Variants in MLIP observed in about 807,000 individuals in gnomAD.
The protein encoded by MLIP is muscular LMNA-interacting protein.
A neutral mutation model predicts 84.8 loss-of-function variants in MLIP; 79 were observed. The ratio of observed to expected loss-of-function variants is 0.93; its 90% CI spans 0.78 to 1.12. The LOEUF (loss-of-function observed/expected upper bound fraction) is 1.12, where lower values mean the gene tolerates loss of function less well. Among genes scored for constraint, MLIP ranks in the 50% most tolerant of loss-of-function variants. The pLI is 0.00. For synonymous variants in MLIP, 504 were observed against 463.0 expected (o/e 1.09, Z -1.14); for missense variants, 1,257 against 1,160.6 (o/e 1.08, Z -1.21).
chr6:54,254,121 T>C lies in MLIP; in HGVS notation c.2923-3187T>C, dbSNP rs1414823453. 5.0e-5 allele frequency among the ~76,000 whole-genome samples: 7 copies of C among 140,270 alleles called. No individual in the cohort carries two copies. In the Admixed American group the frequency reaches 5.1e-4, roughly 10 times the overall value. The allele number at this position is 140,270 out of a possible 152,430, so 92.0% of individuals were successfully genotyped here. On this transcript the variant is annotated intron_variant, in intron 12 of 13. Transcript: ENST00000502396. ...GCCATTCACCTACGTAGAACTTGTT[T>C]TTTTGCTGTTTTTTTTTTTTTTTTA...
intron 1 of MLIP, among the ~76,000 whole-genome samples, chr6:54,075,272 C>A (rs924275272): frequency 3.4e-5 from 5 of 146,778 alleles, no homozygotes; most frequent in Admixed American, 3.4e-4. Flanking sequence ...AAAAAAAATC[C>A]TAAAACCCTG....
intron 3 of MLIP, among the ~76,000 whole-genome samples, chr6:54,131,000 AG>A (rs1771328296): frequency 6.6e-6 from 1 of 152,204 alleles, no homozygotes; most frequent in African/African-American, 2.4e-5. Context: ...AAGCGATTCA[AG>A]TGCCTGTTGG....
At chr6:54,070,402 C>T (rs925153198) in intron 1 of MLIP, among the ~76,000 whole-genome samples, 1 of 152,106 alleles carries the variant, frequency 6.6e-6, no homozygotes, top group Admixed American at 6.6e-5. Flanking sequence ...GGATTCTCTG[C>T]TTACATTTTA....
chr6:54,159,642 T>C (rs1169635391), intron 5 of MLIP, among the ~76,000 whole-genome samples: 1 of 151,912 alleles, frequency 6.6e-6, no homozygotes, highest in Non-Finnish European at 1.5e-5. Flanking sequence ...AGCAGACGTA[T>C]TAGATGAGGA....
In MLIP at chr6:54,230,908, A is replaced by T. The variant is rs748193604; in HGVS notation, c.2913A>T (p.Ala971=). ...CTCACACCCTCCTCAGTCACAACGCATGCAACAAGGTGAGAACTCCTCCCC... is the reference window on the plus strand; with the variant it reads ...CTCACACCCTCCTCAGTCACAACGCTTGCAACAAGGTGAGAACTCCTCCCC... ...ENSHTLLSHN[A]CNKLSHPMVA... is the part of the protein sequence containing the mutation. Residue 971 remains alanine (A), a synonymous_variant, in exon 12 of 14, where the codon GCA becomes GCT. Coordinates refer to ENST00000502396, the MANE Select transcript of MLIP (RefSeq NM_001281747.2). 11 of 1,613,978 alleles carry T rather than the reference A, an allele frequency of 6.8e-6. No homozygotes were observed. Among genetic ancestry groups the T allele is most frequent in the Non-Finnish European group, 9.3e-6 (11 of 1,179,922 alleles).
chr6:54,220,626 G>T (rs187285374), intron 11 of MLIP, among the ~76,000 whole-genome samples: 1 of 152,174 alleles, frequency 6.6e-6, no homozygotes, highest in Admixed American at 6.5e-5. Flanking sequence ...TATGCAGTTG[G>T]ATCAAAGTAT....
chr6:54,101,196 C>G (rs1024189345), intron 1 of MLIP, among the ~76,000 whole-genome samples: 3 of 151,994 alleles, frequency 2.0e-5, no homozygotes, highest in Non-Finnish European at 4.4e-5. Context: ...GGTCAAGATT[C>G]TTAGAAGGTG....
chr6:54,069,216 C>A lies in MLIP; in HGVS notation c.63+50125C>A, dbSNP rs1290183239. Among the ~76,000 whole-genome samples the A allele has an allele frequency of 4.0e-5, 4 of 100,882 alleles. 2 individuals carry two copies. The highest frequency in any genetic ancestry group is 1.1e-4 in the Non-Finnish European group (4 of 35,030). 66.2% of individuals were successfully genotyped at this position (100,882 alleles called of 152,430 possible). A position where few individuals can be genotyped will look rare whatever the true frequency, so the allele number is the denominator to read the frequency against. Reference sequence around the variant, plus strand: ...TATTTGATTTTTATACTAGTTTATTCATTTATTTGTTAGATCTAGGAGATG... The same window carrying A: ...TATTTGATTTTTATACTAGTTTATTAATTTATTTGTTAGATCTAGGAGATG... On this transcript the variant is annotated intron_variant, in intron 1 of 12. Coordinates refer to the MLIP transcript ENST00000274897.
At chr6:54,134,031 G>A (rs1052630766) in intron 3 of MLIP, among the ~76,000 whole-genome samples, 4 of 152,098 alleles carry the variant, frequency 2.6e-5, no homozygotes, top group African/African-American at 9.7e-5. Flanking sequence ...GAGGGAGAAG[G>A]AGTTAGAGCA....
chr6:54,050,961 C>T (rs1765342515), intron 1 of MLIP, among the ~76,000 whole-genome samples: 2 of 152,180 alleles, frequency 1.3e-5, no homozygotes, highest in South Asian at 4.1e-4. Context: ...TTTACTGCAT[C>T]TGGAATGTCT....
At chr6:54,120,824 T>C (rs1770387867) in intron 1 of MLIP, among the ~76,000 whole-genome samples, 1 of 152,042 alleles carries the variant, frequency 6.6e-6, no homozygotes, top group African/African-American at 2.4e-5. Context: ...TGCTTGTGAG[T>C]AGTCTACTGA....
At chr6:54,265,510 C>A (rs148822818) in intron 13 of MLIP, among the ~76,000 whole-genome samples, 48 of 152,246 alleles carry the variant, frequency 3.2e-4, no homozygotes, top group East Asian at 2.1e-3. Flanking sequence ...AAAGCTGGGA[C>A]TTAATTCAAT....
intron 10 of MLIP, 91 bp from the exon 11 acceptor site, chr6:54,202,014 A>G: frequency 1.1e-6 from 1 of 897,170 alleles, no homozygotes; most frequent in South Asian, 3.4e-5. Flanking sequence ...TTCTGTGAGA[A>G]CAGCATTGAA....
chr6:54,252,293 A>G (rs1482953238), intron 12 of MLIP, among the ~76,000 whole-genome samples: 1 of 115,032 alleles, frequency 8.7e-6, no homozygotes, highest in African/African-American at 3.8e-5. Context: ...AATATATTAT[A>G]CCATATAATA....
chr6:54,252,014 A>G (rs1252387000), intron 12 of MLIP, among the ~76,000 whole-genome samples: 2 of 92,564 alleles, frequency 2.2e-5, no homozygotes, highest in Non-Finnish European at 3.6e-5. Context: ...CATAATATAT[A>G]ATATAAATAT....
intron 1 of MLIP, among the ~76,000 whole-genome samples, chr6:54,037,806 C>A (rs750940401): frequency 6.6e-6 from 1 of 151,914 alleles, no homozygotes; most frequent in East Asian, 1.9e-4. Context: ...GTGCTTAAGG[C>A]ATCATATTGG....
At chr6:54,087,423 T>C (rs955690012) in intron 1 of MLIP, among the ~76,000 whole-genome samples, 8 of 152,006 alleles carry the variant, frequency 5.3e-5, no homozygotes, top group African/African-American at 1.2e-4. Context: ...GGTGGTTTCG[T>C]AGAGGGAAAG....
intron 1 of MLIP, among the ~76,000 whole-genome samples, chr6:54,022,555 T>C (rs1311945929): frequency 2.0e-5 from 3 of 152,228 alleles, no homozygotes; most frequent in South Asian, 2.1e-4. Flanking sequence ...AGTTTCTATG[T>C]ATTATGTTAA....
intron 12 of MLIP, among the ~76,000 whole-genome samples, chr6:54,255,129 A>T (rs970328912): frequency 6.6e-6 from 1 of 151,766 alleles, no homozygotes; most frequent in East Asian, 1.9e-4. Context: ...GTCATACTCC[A>T]TTCACTTCCC....
Sources: gnomAD v4.1 joint callset for allele counts (sites outside exome capture counted in the v4.1 genomes callset) on GRCh38, gnomAD v4.1.1 for gene constraint, MANE v1.5 for transcripts, NCBI Gene and HGNC (gene_info 2026-07-23, HGNC 2026-07-21) for gene names.